CCDC7: variants seen among roughly 807,000 people sequenced by gnomAD.
The protein encoded by CCDC7 is coiled-coil domain-containing protein 7.
Under a neutral mutation model 196.9 loss-of-function variants are expected in CCDC7, and 183 were observed. That is an observed-to-expected ratio of 0.93 (90% CI 0.82 to 1.05). The LOEUF is 1.05. Among genes scored for constraint, CCDC7 ranks in the 50% least tolerant of loss-of-function variants. The pLI is 0.00. For synonymous variants in CCDC7, 525 were observed against 484.6 expected (o/e 1.08, Z -1.10); for missense variants, 1,540 against 1,482.2 (o/e 1.04, Z -0.64).
intron 8 of CCDC7, among the ~76,000 whole-genome samples, chr10:32,486,685 T>C (rs1589081718): frequency 9.4e-6 from 1 of 105,976 alleles, no homozygotes; most frequent in African/African-American, 3.6e-5. Context: ...AGGGCAGGCC[T>C]GATGGTGACA....
chr10:32,754,975 G>A (rs1000321354), intron 28 of CCDC7, among the ~76,000 whole-genome samples: 89 of 152,246 alleles, frequency 5.8e-4, no homozygotes, highest in African/African-American at 1.7e-3. Flanking sequence ...ATTATATCCC[G>A]CGCTGGCTTG....
chr10:32,852,876 A>G (rs2093615955), intron 40 of CCDC7, among the ~76,000 whole-genome samples: 1 of 152,214 alleles, frequency 6.6e-6, no homozygotes, highest in Admixed American at 6.6e-5. Flanking sequence ...AGCTAGAAGA[A>G]AAAATGGTTA....
intron 6 of CCDC7, among the ~76,000 whole-genome samples, chr10:32,471,667 A>AT (rs2037981036): frequency 6.6e-6 from 1 of 152,184 alleles, no homozygotes; most frequent in Non-Finnish European, 1.5e-5. Flanking sequence ...TTAACAGCTT[A>AT]TCAAGTAAAA....
At chr10:32,472,507 T>A in exon 7 of CCDC7, 1 of 1,588,906 alleles carries the variant, frequency 6.3e-7, no homozygotes, top group Non-Finnish European at 8.6e-7. Context: ...CCAGAAGCAG[T>A]GAAAAGTTGT....
At chr10:32,563,283 G>T (rs553487753) in intron 13 of CCDC7, among the ~76,000 whole-genome samples, 134 of 152,142 alleles carry the variant, frequency 8.8e-4, no homozygotes, top group African/African-American at 3.2e-3. Flanking sequence ...TTTCTTCACA[G>T]AATTGGAAAA....
chr10:32,523,127 T>A (rs2048124187), intron 11 of CCDC7, among the ~76,000 whole-genome samples: 1 of 152,232 alleles, frequency 6.6e-6, no homozygotes, highest in African/African-American at 2.4e-5. Context: ...GAGAAAAATA[T>A]GTATTCTGCA....
chr10:32,702,036 C>T (rs889216891), intron 24 of CCDC7, among the ~76,000 whole-genome samples: 4 of 152,078 alleles, frequency 2.6e-5, no homozygotes, highest in Non-Finnish European at 2.9e-5. Flanking sequence ...TTGCTGTGAT[C>T]TTAGTTATTT....
chr10:32,525,316 T>C (rs1156371898), intron 11 of CCDC7, among the ~76,000 whole-genome samples: 1 of 152,218 alleles, frequency 6.6e-6, no homozygotes, highest in South Asian at 2.1e-4. Context: ...TCTTGCTTGA[T>C]CAATTCTGCT....
chr10:32,547,019 CT>C (rs2052585664), intron 13 of CCDC7, among the ~76,000 whole-genome samples: 1 of 151,726 alleles, frequency 6.6e-6, no homozygotes, highest in Non-Finnish European at 1.5e-5. Context: ...CCTCCTCCTC[CT>C]CTTCCTTCTT....
chr10:32,622,364 T>A lies in CCDC7; in HGVS notation c.1802-11890T>A, dbSNP rs146422246. On this transcript the variant is annotated intron_variant, in intron 18 of 41. Coordinates refer to ENST00000639629, the Ensembl canonical transcript of CCDC7. The stretch of plus-strand genomic sequence containing the variant: ...AAGAATTATTGTATAAATAGATTTG[T>A]GTTTTAATGAAACTAACCCCATCCC... Among the ~76,000 whole-genome samples the A allele has an allele frequency of 3.4e-3, 511 of 152,168 alleles. 5 individuals are homozygous for A. Among genetic ancestry groups the A allele is most frequent in the African/African-American group, 0.012 (483 of 41,534 alleles).
chr10:32,503,268 T>A (rs1179742065), intron 9 of CCDC7, among the ~76,000 whole-genome samples: 3 of 152,180 alleles, frequency 2.0e-5, no homozygotes. Flanking sequence ...AGTATAATAA[T>A]GTTAGCTATG....
intron 24 of CCDC7, among the ~76,000 whole-genome samples, chr10:32,704,988 C>T (rs963080961): frequency 2.6e-5 from 4 of 152,100 alleles, no homozygotes; most frequent in South Asian, 2.1e-4. Flanking sequence ...CGCCCTGCTT[C>T]GGGTCCCGCT....
At chr10:32,596,370 T>G (rs1039140108) in intron 18 of CCDC7, among the ~76,000 whole-genome samples, 16 of 152,224 alleles carry the variant, frequency 1.1e-4, no homozygotes, top group African/African-American at 2.9e-4. Context: ...TACCTTTTTT[T>G]GTTTTCCATT....
chr10:32,774,596 G>A (rs906824480), intron 28 of CCDC7, among the ~76,000 whole-genome samples: 5 of 152,070 alleles, frequency 3.3e-5, no homozygotes, highest in Non-Finnish European at 7.4e-5. Flanking sequence ...CTTGAGTTTT[G>A]GTGAATTCAG....
chr10:32,651,795 T>C (rs1182543553), intron 20 of CCDC7, among the ~76,000 whole-genome samples: 1 of 152,152 alleles, frequency 6.6e-6, no homozygotes, highest in Non-Finnish European at 1.5e-5. Context: ...GAATTTTATC[T>C]TAGGGTTAGA....
At chr10:32,733,464 CTAAGA>C (rs1281638238) in intron 28 of CCDC7, among the ~76,000 whole-genome samples, 1 of 151,744 alleles carries the variant, frequency 6.6e-6, no homozygotes, top group Non-Finnish European at 1.5e-5. Context: ...AAATCTCCAG[CTAAGA>C]TATTTGGAGC....
At chr10:32,562,637 A>T (rs981173996) in intron 13 of CCDC7, among the ~76,000 whole-genome samples, 1 of 152,226 alleles carries the variant, frequency 6.6e-6, no homozygotes, top group Non-Finnish European at 1.5e-5. Context: ...TTAGGTATTG[A>T]TGGGACGTAT....
At chr10:32,865,802 C>A (rs2094181718) in intron 41 of CCDC7, among the ~76,000 whole-genome samples, 1 of 151,704 alleles carries the variant, frequency 6.6e-6, no homozygotes, top group Admixed American at 6.6e-5. Flanking sequence ...GCTTGGTGAT[C>A]CTTTTTGTGC....
chr10:32,685,888 T>C (rs1039379693), intron 21 of CCDC7, 82 bp from the exon 23 acceptor site: 1 of 758,334 alleles, frequency 1.3e-6, no homozygotes, highest in Non-Finnish European at 2.2e-6. Context: ...CTCATGTAAA[T>C]GTTTTATAAA....
Sources: allele counts gnomAD v4.1 joint callset (sites outside exome capture counted in the v4.1 genomes callset), GRCh38; gene constraint gnomAD v4.1.1; transcripts MANE v1.5; gene names NCBI Gene and HGNC (gene_info 2026-07-23, HGNC 2026-07-21).